Variants in GPR174 observed in about 807,000 individuals in gnomAD.
GPR174 encodes G protein-coupled receptor 174, also known as probable G protein-coupled receptor 174.
GPR174 carries 8 observed loss-of-function variants against 16.5 expected under a neutral mutation model. That is an observed-to-expected ratio of 0.48 (90% confidence interval 0.28 to 0.87). GPR174 has a LOEUF of 0.87. GPR174 is among the 40% of genes least tolerant of loss of function. The pLI is 0.09. For synonymous variants in GPR174, 111 were observed against 94.8 expected, an observed-to-expected ratio of 1.17 and a Z score of -0.99; for missense variants, 214 against 247.5, an observed-to-expected ratio of 0.86 and a Z score of 0.91.
chrX:79,155,219 C>T (rs184637209), intron 1 of GPR174, among the ~76,000 whole-genome samples: 12 of 111,501 alleles, frequency 1.1e-4, no homozygotes, highest in Non-Finnish European at 1.7e-4. Flanking sequence ...TCTGTTTTCA[C>T]AAACAACAAA....
At chrX:79,168,830 G>A (rs1351796114) in intron 2 of GPR174, among the ~76,000 whole-genome samples, 8 of 111,103 alleles carry the variant, frequency 7.2e-5, no homozygotes, top group Non-Finnish European at 1.5e-4. Flanking sequence ...AAGTTTTAAG[G>A]TGCTATCAAC....
intron 2 of GPR174, among the ~76,000 whole-genome samples, chrX:79,166,730 C>T (rs1254367445): frequency 4.5e-5 from 5 of 110,533 alleles, no homozygotes; most frequent in East Asian, 2.8e-4. Flanking sequence ...CCACTGCGCC[C>T]GGCCTAAAGG....
intron 2 of GPR174, among the ~76,000 whole-genome samples, chrX:79,162,520 G>T (rs184276504): frequency 1.8e-5 from 2 of 112,406 alleles, no homozygotes; most frequent in East Asian, 5.5e-4. Flanking sequence ...TATGCCTTTA[G>T]ATTTTATAAC....
rs1012796432 is a variant in GPR174 at position 79,174,380 on chromosome X, C to T, written c.*2371C>T. On this transcript the variant is annotated 3_prime_UTR_variant, in exon 3 of 3. Coordinates refer to ENST00000645147, the MANE Select transcript of GPR174 (RefSeq NM_032553.3). ...AGCAACCTGATCAATTCATTCACAC[C>T]ATGGTGCTAATAGCTAATGTTAGGT... 25 of 106,515 alleles carry T rather than the reference C, an allele frequency of 2.3e-4. No individual in the cohort carries two copies. The highest frequency in any genetic ancestry group is 4.7e-3 in the Middle Eastern group (1 of 213). 8.8% of individuals were successfully genotyped at this position (106,515 alleles called of 1,213,427 possible). A position where few individuals can be genotyped will look rare whatever the true frequency, so the allele number is the denominator to read the frequency against.
At chrX:79,145,692 G>A (rs1602333807) in intron 1 of GPR174, among the ~76,000 whole-genome samples, 1 of 111,661 alleles carries the variant, frequency 9.0e-6, no homozygotes, top group East Asian at 2.8e-4. Flanking sequence ...TGAAAAATGA[G>A]AGATACAATA....
chrX:79,146,849 T>C (rs1245757733), intron 1 of GPR174, among the ~76,000 whole-genome samples: 1 of 111,441 alleles, frequency 9.0e-6, no homozygotes, highest in Non-Finnish European at 1.9e-5. Context: ...ACACACCTTC[T>C]GCATTCCGCT....
chrX:79,166,997 A>G (rs1315989535), intron 2 of GPR174, among the ~76,000 whole-genome samples: 2 of 111,899 alleles, frequency 1.8e-5, no homozygotes, highest in Non-Finnish European at 3.8e-5. Context: ...GCAAGAGATC[A>G]CAAAAACCTC....
chrX:79,172,232 G>A lies in GPR174; in HGVS notation c.*223G>A. 5.4e-6 allele frequency: 2 copies of A among 373,213 alleles called. No homozygotes were observed. Among genetic ancestry groups the A allele is most frequent in the Non-Finnish European group, 9.4e-6 (2 of 212,938 alleles). 30.8% of individuals were successfully genotyped at this position (373,213 alleles called of 1,213,427 possible). On this transcript the variant is annotated 3_prime_UTR_variant, in exon 3 of 3. Transcript: ENST00000645147. The stretch of plus-strand genomic sequence containing the variant: ...CATGTAGTAATTTTTCTTCAAGTCT[G>A]TAAATCTTAAAATATCAAATTTCTG...
intron 2 of GPR174, among the ~76,000 whole-genome samples, chrX:79,157,845 A>G (rs1921135061): frequency 9.1e-6 from 1 of 110,174 alleles, no homozygotes; most frequent in African/African-American, 3.3e-5. Context: ...GAACATGTCT[A>G]GTGCTTGAGC....
At chrX:79,164,538 G>T (rs187026795) in intron 2 of GPR174, among the ~76,000 whole-genome samples, 20 of 111,668 alleles carry the variant, frequency 1.8e-4, no homozygotes, top group African/African-American at 5.8e-4. Flanking sequence ...AATCAGGAGG[G>T]TTATGCTACT....
chrX:79,169,406 G>T (rs774627944), intron 2 of GPR174, among the ~76,000 whole-genome samples: 1 of 111,174 alleles, frequency 9.0e-6, no homozygotes, highest in Non-Finnish European at 1.9e-5. Flanking sequence ...AGAAATCTCG[G>T]GTATTTAATC....
At chrX:79,166,158 C>A (rs1010510943) in intron 2 of GPR174, among the ~76,000 whole-genome samples, 1 of 111,863 alleles carries the variant, frequency 8.9e-6, no homozygotes, top group African/African-American at 3.3e-5. Flanking sequence ...TTGGAGTACA[C>A]ACACCTAGAG....
intron 2 of GPR174, among the ~76,000 whole-genome samples, chrX:79,157,902 C>T (rs984615865): frequency 9.2e-6 from 1 of 109,182 alleles, no homozygotes; most frequent in Non-Finnish European, 1.9e-5. Context: ...TTCACCTAAA[C>T]ATGGGGGAAA....
chrX:79,147,797 A>G (rs780134619), intron 1 of GPR174, among the ~76,000 whole-genome samples: 1 of 111,910 alleles, frequency 8.9e-6, no homozygotes, highest in African/African-American at 3.2e-5. Context: ...AAGTGATAGT[A>G]TGTGAATCCT....
intron 2 of GPR174, among the ~76,000 whole-genome samples, chrX:79,169,762 T>A (rs1485897995): frequency 8.9e-6 from 1 of 111,982 alleles, no homozygotes; most frequent in Non-Finnish European, 1.9e-5. Flanking sequence ...CAACTTTCTA[T>A]GGATTTTGAT....
Position 79,161,515 on chromosome X carries a change from A to G in GPR174, c.-557+4597A>G, listed in dbSNP as rs759960614. On this transcript the variant is annotated intron_variant, in intron 2 of 2. Coordinates refer to ENST00000645147, the MANE Select transcript of GPR174 (RefSeq NM_032553.3). ...ACCATACATTTAAGGGAAGGAAGTT[A>G]GAAATAAATAAATAGCAAGCCAATG... Among the ~76,000 whole-genome samples, 4 of 112,062 alleles carry G rather than the reference A, an allele frequency of 3.6e-5. No individual in the cohort carries two copies. The East Asian group carries it at 1.1e-3, about 31-fold the overall frequency.
intron 1 of GPR174, among the ~76,000 whole-genome samples, chrX:79,147,145 T>C (rs988483124): frequency 9.0e-6 from 1 of 111,253 alleles, no homozygotes; most frequent in African/African-American, 3.3e-5. Context: ...GGAAGTAAAG[T>C]AGGTTCATAG....
chrX:79,163,414 A>C (rs1921281676), intron 2 of GPR174, among the ~76,000 whole-genome samples: 1 of 111,856 alleles, frequency 8.9e-6, no homozygotes, highest in African/African-American at 3.2e-5. Flanking sequence ...TAGGTAGGAG[A>C]CAGCACTATG....
chrX:79,170,989 A>G lies in GPR174; in HGVS notation c.-19A>G. The G allele has an allele frequency of 8.7e-7, 1 of 1,155,306 alleles. No homozygotes were observed. The stretch of plus-strand genomic sequence containing the variant: ...TTTTGAACCACCATTAGGCAAAGAT[A>G]GTTTCTCTAGAGAGAATCATGCCTG... On this transcript the variant is annotated 5_prime_UTR_variant, in exon 3 of 3. In the 5' UTR this introduces an upstream ATG that the reference lacks. Transcript: ENST00000645147.
Sources: allele counts gnomAD v4.1 joint callset (sites outside exome capture counted in the v4.1 genomes callset), GRCh38; gene constraint gnomAD v4.1.1; transcripts MANE v1.5; gene names NCBI Gene and HGNC (gene_info 2026-07-23, HGNC 2026-07-21).